The following NLRP11 variants were observed in gnomAD, a reference collection of about 807,000 sequenced individuals.
NLRP11 encodes the protein NACHT, LRR and PYD domains-containing protein 11.
A neutral mutation model predicts 79.3 loss-of-function variants in NLRP11; 53 were observed. That is an observed-to-expected ratio of 0.67 (90% CI 0.54 to 0.84). NLRP11 has a LOEUF of 0.84. Ranked by LOEUF, NLRP11 falls within the 40% of genes least tolerant of loss-of-function variation. The probability of loss-of-function intolerance (pLI) is 0.00; values close to 1 mark genes in which losing one functional copy is unlikely to be tolerated. For synonymous variants in NLRP11, 518 were observed against 462.6 expected (o/e 1.12, Z -1.54); for missense variants, 1,264 against 1,255.0 (o/e 1.01, Z -0.11).
chr19:55,788,741 C>CAAAAAAAAAAAAAAAAA (rs58239530), intron 9 of NLRP11, 66 bp downstream of exon 9: 1 of 332,750 alleles, frequency 3.0e-6, no homozygotes, highest in African/African-American at 6.4e-5. Context: ...CTCTGTCTCT[C>CAAAAAAAAAAAAAAAAA]AAAAAAAAAA....
intron 7 of NLRP11, among the ~76,000 whole-genome samples, chr19:55,790,223 T>A (rs184789109): frequency 6.6e-6 from 1 of 152,218 alleles, no homozygotes; most frequent in Non-Finnish European, 1.5e-5. Flanking sequence ...AAAGTTTCCA[T>A]AGCAGTTTTT....
chr19:55,816,895 C>T (rs1158713750), intron 2 of NLRP11, among the ~76,000 whole-genome samples: 2 of 152,176 alleles, frequency 1.3e-5, no homozygotes, highest in East Asian at 3.8e-4. Context: ...TCCAATCTAT[C>T]CCTGGTCCTC....
At chr19:55,833,949 G>GAA (rs201764872), upstream of NLRP11, among the ~76,000 whole-genome samples, 681 of 137,328 alleles carry the variant, frequency 5.0e-3, 4 homozygotes, top group East Asian at 0.01. Flanking sequence ...GTATTTAAAT[G>GAA]AAAAAAAAAA....
intron 1 of NLRP11, among the ~76,000 whole-genome samples, chr19:55,826,424 C>A (rs1982239364): frequency 7.2e-6 from 1 of 138,622 alleles, no homozygotes; most frequent in East Asian, 2.2e-4. Flanking sequence ...GGCAATTAGG[C>A]AAGAGAAGGA....
At chr19:55,791,358 T>C (rs1209298925) in intron 7 of NLRP11, among the ~76,000 whole-genome samples, 2 of 152,190 alleles carry the variant, frequency 1.3e-5, no homozygotes, top group African/African-American at 4.8e-5. Flanking sequence ...AGCAAGATTC[T>C]AGAAAGAAAA....
intron 4 of NLRP11, 116 bp from the exon 5 acceptor site, chr19:55,801,855 C>T (rs1979514573): frequency 1.3e-6 from 1 of 792,628 alleles, no homozygotes; most frequent in Non-Finnish European, 2.1e-6. Context: ...ATTACATCCT[C>T]ACACATGGCT....
intron 5 of NLRP11, among the ~76,000 whole-genome samples, chr19:55,798,598 C>G (rs543931037): frequency 6.6e-6 from 1 of 152,108 alleles, no homozygotes; most frequent in African/African-American, 2.4e-5. Context: ...ATAATCTGCA[C>G]TAACTCCCAT....
At chr19:55,800,780 G>A (rs1313721335) in intron 5 of NLRP11, among the ~76,000 whole-genome samples, 1 of 152,120 alleles carries the variant, frequency 6.6e-6, no homozygotes, top group African/African-American at 2.4e-5. Context: ...GTGAAATACT[G>A]GGTTCTGCAG....
intron 1 of NLRP11, among the ~76,000 whole-genome samples, chr19:55,828,167 C>T (rs1982407741): frequency 6.7e-6 from 1 of 149,986 alleles, no homozygotes; most frequent in Admixed American, 6.8e-5. Flanking sequence ...ATCACAAGAA[C>T]AAAAAACCAA....
intron 7 of NLRP11, 132 bp downstream of exon 7, chr19:55,792,169 G>A: frequency 1.4e-6 from 1 of 728,878 alleles, no homozygotes. Context: ...CGCCTATTCT[G>A]GGGAGCCCAT....
At chr19:55,823,332 T>A (rs1337927957) in intron 1 of NLRP11, among the ~76,000 whole-genome samples, 3 of 134,764 alleles carry the variant, frequency 2.2e-5, no homozygotes, top group Non-Finnish European at 4.6e-5. Flanking sequence ...ACAGAAAAAC[T>A]GGAAACTCTA....
intron 1 of NLRP11, among the ~76,000 whole-genome samples, chr19:55,824,072 A>C (rs964103276): frequency 1.8e-5 from 2 of 110,874 alleles, no homozygotes; most frequent in African/African-American, 9.7e-5. Flanking sequence ...CTCTCGGCAG[A>C]AACCCTACAA....
chr19:55,800,596 T>C (rs1311368079), intron 5 of NLRP11, among the ~76,000 whole-genome samples: 2 of 152,142 alleles, frequency 1.3e-5, no homozygotes, highest in East Asian at 3.9e-4. Flanking sequence ...ATTATAGGCA[T>C]GAGCTACCAG....
chr19:55,827,820 A>T (rs940205836), intron 1 of NLRP11, among the ~76,000 whole-genome samples: 7 of 150,280 alleles, frequency 4.7e-5, no homozygotes, highest in Non-Finnish European at 7.4e-5. Context: ...TGTTGGTGGG[A>T]CTGTAAAGTA....
upstream of NLRP11, among the ~76,000 whole-genome samples, chr19:55,835,385 G>C (rs1186011720): frequency 6.6e-6 from 1 of 152,266 alleles, no homozygotes; most frequent in Non-Finnish European, 1.5e-5. Flanking sequence ...TACGCAGAAA[G>C]ACAGTAGCCG....
chr19:55,803,610 A>C (rs1979694793), intron 4 of NLRP11, among the ~76,000 whole-genome samples: 2 of 152,218 alleles, frequency 1.3e-5, no homozygotes, highest in South Asian at 4.1e-4. Flanking sequence ...ATTTACAAGA[A>C]AAAGATAACC....
chr19:55,829,667 A>AT (rs200461932), intron 1 of NLRP11, among the ~76,000 whole-genome samples: 3,729 of 151,134 alleles, frequency 0.025, 177 homozygotes, highest in African/African-American at 0.069. Context: ...TCAAAAAAAA[A>AT]AAAAAAAAAA....
chr19:55,830,598 T>TAA lies in NLRP11; in HGVS notation c.-63+1363_-63+1364dup, dbSNP rs201476127. Among the ~76,000 whole-genome samples, 406 of 129,178 alleles carry TAA rather than the reference T, an allele frequency of 3.1e-3. 5 individuals are homozygous for TAA. Among genetic ancestry groups the TAA allele is most frequent in the African/African-American group, 8.4e-3 (281 of 33,632 alleles). The allele number at this position is 129,178 out of a possible 152,430, so 84.7% of individuals were successfully genotyped here. On this transcript the variant is annotated intron_variant, in intron 1 of 9. Coordinates refer to ENST00000589093, the Ensembl canonical transcript of NLRP11. ...GCCTAGTGATGGCTTCTTAGCTTCC[T>TAA]AAAAAAAAAAAAAAAAATGCAACGT...
chr19:55,813,398 T>G (rs1331076274), intron 2 of NLRP11, among the ~76,000 whole-genome samples: 4 of 152,178 alleles, frequency 2.6e-5, no homozygotes, highest in African/African-American at 9.6e-5. Flanking sequence ...ACTTGTAGTT[T>G]CTTTCCCCAC....
Sources: allele counts gnomAD v4.1 joint callset (sites outside exome capture counted in the v4.1 genomes callset), GRCh38; gene constraint gnomAD v4.1.1; transcripts MANE v1.5; gene names NCBI Gene and HGNC (gene_info 2026-07-23, HGNC 2026-07-21).